Variants in VTI1A observed in about 807,000 individuals in gnomAD.
The protein encoded by VTI1A is vesicle transport through interaction with t-SNAREs 1A.
In VTI1A, 22 loss-of-function variants were observed where a neutral mutation model predicts 34.9. The ratio of observed to expected loss-of-function variants is 0.63; its 90% CI spans 0.45 to 0.90. The LOEUF is 0.90. Ranked by LOEUF, VTI1A falls within the 40% of genes least tolerant of loss-of-function variation. The pLI is 0.00. For synonymous variants in VTI1A, 87 were observed against 97.3 expected (o/e 0.89, Z 0.62); for missense variants, 268 against 275.6 (o/e 0.97, Z 0.20).
chr10:112,666,492 T>A (rs1369836923), intron 5 of VTI1A, among the ~76,000 whole-genome samples: 1 of 148,710 alleles, frequency 6.7e-6, no homozygotes, highest in Non-Finnish European at 1.5e-5. Flanking sequence ...GGAAGCTCCA[T>A]GAGTGCAAAC....
chr10:112,827,708 T>A, the VTI1A span: 1 of 152,216 alleles, frequency 6.6e-6, no homozygotes, highest in Non-Finnish European at 1.5e-5. Flanking sequence ...ATGAGTTAAA[T>A]AAAATGCCTA....
At chr10:112,840,349 C>T in the VTI1A span, among the ~76,000 whole-genome samples, 3 of 152,176 alleles carry the variant, frequency 2.0e-5, no homozygotes, top group African/African-American at 7.2e-5. Flanking sequence ...TTATCCCACC[C>T]ACGAGTCCCC....
rs368218299 is a variant in VTI1A at position 112,646,737 on chromosome 10, G to A, written c.428-21481G>A. Reference sequence around the variant, plus strand: ...TGTTAGCCAGGCTGATCTCGAACTCGTGACCTCAGGTGATCCACCCGCCTC... The same window carrying A: ...TGTTAGCCAGGCTGATCTCGAACTCATGACCTCAGGTGATCCACCCGCCTC... On this transcript the variant is annotated intron_variant, in intron 5 of 7. Transcript: ENST00000393077. Among the ~76,000 whole-genome samples the A allele has an allele frequency of 8.4e-4, 127 of 151,914 alleles. 2 individuals carry two copies. The South Asian group carries it at 0.025, about 30-fold the overall frequency.
At chr10:112,728,349 G>A (rs1850120605) in intron 7 of VTI1A, among the ~76,000 whole-genome samples, 1 of 152,212 alleles carries the variant, frequency 6.6e-6, no homozygotes, top group Non-Finnish European at 1.5e-5. Context: ...ACAACTAAGT[G>A]AGCTATAAAT....
At chr10:112,581,592 G>T (rs1843940021) in intron 5 of VTI1A, among the ~76,000 whole-genome samples, 1 of 152,180 alleles carries the variant, frequency 6.6e-6, no homozygotes, top group South Asian at 2.1e-4. Context: ...TTAATAGTAA[G>T]CTCTTGATAA....
intron 3 of VTI1A, among the ~76,000 whole-genome samples, chr10:112,518,947 C>T (rs923471310): frequency 4.6e-5 from 7 of 151,652 alleles, no homozygotes; most frequent in Admixed American, 3.3e-4. Context: ...TAGAAGTAAC[C>T]GTCAAAATGT....
chr10:112,653,893 A>G (rs978455234), intron 5 of VTI1A, among the ~76,000 whole-genome samples: 2 of 152,192 alleles, frequency 1.3e-5, no homozygotes, highest in African/African-American at 2.4e-5. Flanking sequence ...GAAGTTTGGT[A>G]AAAGACTCAG....
chr10:112,590,871 C>A (rs549470358), intron 5 of VTI1A, among the ~76,000 whole-genome samples: 6 of 151,898 alleles, frequency 4.0e-5, no homozygotes, highest in Non-Finnish European at 8.8e-5. Flanking sequence ...AAGGCCAAGG[C>A]GGGCAGATTA....
At position 112,815,676 on chromosome 10, in the gene VTI1A, C is replaced by T. The variant is rs1853498667; in HGVS notation, c.*293C>T. On this transcript the variant is annotated 3_prime_UTR_variant, in exon 8 of 8. Coordinates refer to ENST00000393077, the MANE Select transcript of VTI1A (RefSeq NM_145206.4). ...CAACTAGCCAAAATAGCCCCAGTGA[C>T]ACTCCTAGCCCTCTGGACGTGTCAA... is the stretch of plus-strand genomic sequence containing the variant. The T allele has an allele frequency of 2.3e-6, 1 of 431,012 alleles. No homozygotes were observed. Among genetic ancestry groups the T allele is most frequent in the Non-Finnish European group, 4.3e-6 (1 of 231,912 alleles). The allele number at this position is 431,012 out of a possible 1,614,324, so 26.7% of individuals were successfully genotyped here. A position where few individuals can be genotyped will look rare whatever the true frequency, so the allele number is the denominator to read the frequency against.
intron 7 of VTI1A, among the ~76,000 whole-genome samples, chr10:112,785,543 A>T (rs1852260426): frequency 6.6e-6 from 1 of 152,098 alleles, no homozygotes; most frequent in African/African-American, 2.4e-5. Context: ...AATTTTATGG[A>T]TCATGCTTGT....
At chr10:112,793,005 G>GTT (rs1852540650) in intron 7 of VTI1A, among the ~76,000 whole-genome samples, 1 of 152,130 alleles carries the variant, frequency 6.6e-6, no homozygotes, top group African/African-American at 2.4e-5. Flanking sequence ...TCCTTGCCTC[G>GTT]CCTGGCTCTG....
chr10:112,733,411 G>A (rs1045664204), intron 7 of VTI1A, among the ~76,000 whole-genome samples: 6 of 152,120 alleles, frequency 3.9e-5, no homozygotes, highest in East Asian at 1.9e-4. Flanking sequence ...CCCCGTCTCC[G>A]TGGATTTACC....
chr10:112,693,618 T>A (rs771683539), intron 7 of VTI1A, among the ~76,000 whole-genome samples: 1 of 152,194 alleles, frequency 6.6e-6, no homozygotes, highest in Non-Finnish European at 1.5e-5. Flanking sequence ...ACCTTCACCA[T>A]GTAAAATGTA....
chr10:112,780,549 T>G (rs984171798), intron 7 of VTI1A, among the ~76,000 whole-genome samples: 1 of 152,148 alleles, frequency 6.6e-6, no homozygotes, highest in Non-Finnish European at 1.5e-5. Flanking sequence ...TCTAAAATTA[T>G]TATAATAATT....
intron 7 of VTI1A, among the ~76,000 whole-genome samples, chr10:112,690,474 A>C (rs1454874437): frequency 6.6e-6 from 1 of 152,162 alleles, no homozygotes; most frequent in East Asian, 1.9e-4. Flanking sequence ...AGCTCACCCC[A>C]GTTCCTATTT....
intron 7 of VTI1A, among the ~76,000 whole-genome samples, chr10:112,774,558 C>G (rs1048901298): frequency 2.0e-5 from 3 of 152,012 alleles, no homozygotes; most frequent in African/African-American, 4.8e-5. Flanking sequence ...GGAGGAACAA[C>G]TTTATGTGAG....
intron 7 of VTI1A, among the ~76,000 whole-genome samples, chr10:112,733,649 T>C (rs572626224): frequency 6.6e-6 from 1 of 152,300 alleles, no homozygotes; most frequent in Admixed American, 6.5e-5. Context: ...CTCCCTTCTC[T>C]CACTCCTATT....
chr10:112,601,551 G>A (rs1185962599), intron 5 of VTI1A, among the ~76,000 whole-genome samples: 1 of 151,804 alleles, frequency 6.6e-6, no homozygotes, highest in Non-Finnish European at 1.5e-5. Flanking sequence ...ACTGTGGTAT[G>A]CAGTCACTTT....
intron 7 of VTI1A, among the ~76,000 whole-genome samples, chr10:112,808,081 G>A (rs1034077206): frequency 5.3e-5 from 8 of 151,914 alleles, no homozygotes; most frequent in South Asian, 2.1e-4. Flanking sequence ...AGCCAGGTGC[G>A]GTGGTGCATG....
Sources: gnomAD v4.1 joint callset for allele counts (sites outside exome capture counted in the v4.1 genomes callset) on GRCh38, gnomAD v4.1.1 for gene constraint, MANE v1.5 for transcripts, NCBI Gene and HGNC (gene_info 2026-07-23, HGNC 2026-07-21) for gene names.